Variants in SLC44A2 observed in about 807,000 individuals in gnomAD.
SLC44A2 encodes solute carrier family 44 member 2 (CTL2 blood group).
SLC44A2 carries 57 observed loss-of-function variants against 90.8 expected under a neutral mutation model. The ratio of observed to expected loss-of-function variants is 0.63; its 90% CI spans 0.51 to 0.78. The LOEUF (loss-of-function observed/expected upper bound fraction) is 0.78. SLC44A2 is among the 30% of genes least tolerant of loss of function. The probability of loss-of-function intolerance (pLI) is 0.00; values close to 1 mark genes in which losing one functional copy is unlikely to be tolerated. For missense variants in SLC44A2, 794 were observed against 919.7 expected, an observed-to-expected ratio of 0.86 and a Z score of 1.77; for synonymous variants, 355 against 360.7, an observed-to-expected ratio of 0.98 and a Z score of 0.18.
intron 1 of SLC44A2, among the ~76,000 whole-genome samples, chr19:10,603,028 T>TACCC (rs1355422198): frequency 6.6e-6 from 1 of 152,070 alleles, no homozygotes; most frequent in Non-Finnish European, 1.5e-5. Context: ...GCAGACCGAA[T>TACCC]ACCCAGCTGA....
At position 10,637,711 on chromosome 19, in the gene SLC44A2, G is replaced by T. The variant is rs371805689; in HGVS notation, c.1659G>T (p.Lys553Asn). The change falls in exon 17 of 22, where the codon AAG (lysine) becomes AAT (asparagine). Residue 553 changes from lysine (K) to asparagine (N), a missense_variant. Physicochemically the swap from Lys to Asn is moderately conservative, Grantham distance 94 (BLOSUM62 0). This residue lies in a region of SLC44A2 where 738 missense variants were observed against 841.1 expected (regional missense o/e 0.88). Coordinates refer to ENST00000335757, the MANE Select transcript of SLC44A2 (RefSeq NM_020428.4). ...CLKCCFWCLE[K>N]FIKFLNRNAY... ...AATGCTGCTTCTGGTGCCTGGAGAA[G>T]TTCATCAAATTCCTTAATAGGAATG... 5.6e-6 allele frequency: 9 copies of T among 1,614,140 alleles called. No individual in the cohort carries two copies. The South Asian group carries it at 9.9e-5, about 18-fold the overall frequency.
At chr19:10,631,162 C>G (rs1249620935) in intron 5 of SLC44A2, 21 bp downstream of exon 5, 1 of 1,610,806 alleles carries the variant, frequency 6.2e-7, no homozygotes, top group Non-Finnish European at 8.5e-7. Flanking sequence ...CCCCACCGTT[C>G]CCTTTTTCCT....
chr19:10,626,932 T>C (rs72620550), intron 2 of SLC44A2, among the ~76,000 whole-genome samples: 5,121 of 150,154 alleles, frequency 0.034, 250 homozygotes, highest in East Asian at 0.12. Flanking sequence ...ATTGCTTGAA[T>C]CTGGGAGGTG....
In SLC44A2 at chr19:10,633,876, G is replaced by A. The variant is rs201776329; in HGVS notation, c.824-880G>A. On this transcript the variant is annotated intron_variant, in intron 10 of 21. Transcript: ENST00000335757. ...TTTCTAGCTGGGTGCGGTGGCGCACGCCTGTAATCCCAGCAATTTGGGAGA... is the reference window on the plus strand; with the variant it reads ...TTTCTAGCTGGGTGCGGTGGCGCACACCTGTAATCCCAGCAATTTGGGAGA... Among the ~76,000 whole-genome samples, 7 of 151,840 alleles carry A rather than the reference G, an allele frequency of 4.6e-5. No homozygotes were observed. In the East Asian group the frequency reaches 7.8e-4, roughly 17 times the overall value.
intron 1 of SLC44A2, among the ~76,000 whole-genome samples, chr19:10,613,071 G>A (rs1424072193): frequency 1.3e-5 from 2 of 151,776 alleles, no homozygotes; most frequent in African/African-American, 4.8e-5. Context: ...TTTGGTTTTG[G>A]TTTTTTAGAG....
chr19:10,625,684 C>T lies in SLC44A2; in HGVS notation c.37+14C>T. 8.0e-7 allele frequency: 1 copy of T among 1,249,098 alleles called. No individual in the cohort carries two copies. The highest frequency in any genetic ancestry group is 1.0e-6 in the Non-Finnish European group (1 of 991,004). The allele number at this position is 1,249,098 out of a possible 1,614,324, so 77.4% of individuals were successfully genotyped here. A position where few individuals can be genotyped will look rare whatever the true frequency, so the allele number is the denominator to read the frequency against. ...ACGGGAAACACGGTAGGCAGCGACC[C>T]CCGCCCGTAGCCCCGGGCCGACCCC... On this transcript the variant is annotated intron_variant, in intron 1 of 21. Transcript: ENST00000335757.
At chr19:10,632,209 G>A (rs1196735166) in intron 10 of SLC44A2, 53 bp downstream of exon 10, 3 of 1,505,772 alleles carry the variant, frequency 2.0e-6, no homozygotes, top group South Asian at 1.1e-5. Context: ...ACACTGCCCT[G>A]CCCTTTCCCG....
intron 1 of SLC44A2, among the ~76,000 whole-genome samples, chr19:10,609,457 G>A (rs369229002): frequency 3.8e-4 from 58 of 151,736 alleles, no homozygotes; most frequent in African/African-American, 1.3e-3. Flanking sequence ...ACCTCACCAC[G>A]TCCAGCTACT....
At chr19:10,605,067 G>C (rs939362304) in intron 1 of SLC44A2, among the ~76,000 whole-genome samples, 1 of 152,126 alleles carries the variant, frequency 6.6e-6, no homozygotes, top group African/African-American at 2.4e-5. Flanking sequence ...GGGTCGGGGG[G>C]ACAGTAGTGA....
At chr19:10,608,228 A>G (rs1456306817) in intron 1 of SLC44A2, among the ~76,000 whole-genome samples, 3 of 87,572 alleles carry the variant, frequency 3.4e-5, no homozygotes, top group Non-Finnish European at 9.3e-5. Flanking sequence ...GTCTCAAAGA[A>G]AAAAAAAAAA....
intron 4 of SLC44A2, among the ~76,000 whole-genome samples, chr19:10,630,448 G>A (rs894316029): frequency 6.6e-6 from 1 of 152,092 alleles, no homozygotes; most frequent in African/African-American, 2.4e-5. Context: ...CCTGAGGTCA[G>A]GAGTTCGAGA....
chr19:10,635,681 A>G (rs1423269192), intron 14 of SLC44A2, 166 bp downstream of exon 14: 19 of 596,028 alleles, frequency 3.2e-5, no homozygotes, highest in South Asian at 2.0e-4. Flanking sequence ...CTCTAACTGG[A>G]TCGAACAACT....
chr19:10,612,550 C>A (rs112150878), intron 1 of SLC44A2, among the ~76,000 whole-genome samples: 8 of 152,192 alleles, frequency 5.3e-5, no homozygotes, highest in Admixed American at 2.0e-4. Flanking sequence ...GCTGGCGATG[C>A]TCATTCCCCA....
intron 20 of SLC44A2, among the ~76,000 whole-genome samples, chr19:10,641,751 C>T (rs1415055892): frequency 2.6e-5 from 4 of 151,184 alleles, no homozygotes; most frequent in East Asian, 3.9e-4. Flanking sequence ...GAGGCTGAGG[C>T]GGGAGGATCA....
intron 8 of SLC44A2, 28 bp from the exon 9 acceptor site, chr19:10,631,840 G>T: frequency 6.2e-7 from 1 of 1,614,192 alleles, no homozygotes; most frequent in Non-Finnish European, 8.5e-7. Context: ...AAGAGGGTCT[G>T]ACCCGAGCCT....
chr19:10,631,193 T>C lies in SLC44A2; in HGVS notation c.330+52T>C, dbSNP rs531539275. ...TTCCTCTCCCCGCTTCCCATCCTTT[T>C]CCCCCTGTGAATGTGGGCTGCGACC... On this transcript the variant is annotated intron_variant, in intron 5 of 21. Transcript: ENST00000335757. The C allele has an allele frequency of 3.6e-5, 57 of 1,605,390 alleles. No homozygotes were observed. In the African/African-American group the frequency reaches 6.6e-4, roughly 18 times the overall value.
intron 1 of SLC44A2, among the ~76,000 whole-genome samples, chr19:10,605,634 C>G (rs909612301): frequency 6.6e-6 from 1 of 151,976 alleles, no homozygotes; most frequent in Non-Finnish European, 1.5e-5. Flanking sequence ...TTACAGTGAG[C>G]CAAGGTGGCG....
In SLC44A2 at chr19:10,634,464, C is replaced by CA. The variant is rs57865437; in HGVS notation, c.824-277dup. 6.0e-3 allele frequency among the ~76,000 whole-genome samples: 605 copies of CA among 100,990 alleles called. 3 individuals carry two copies. The highest frequency in any genetic ancestry group is 0.015 in the African/African-American group (426 of 28,698). The allele number at this position is 100,990 out of a possible 152,430, so 66.3% of individuals were successfully genotyped here. A position where few individuals can be genotyped will look rare whatever the true frequency, so the allele number is the denominator to read the frequency against. ...GGGCAACAAGAGTGAAACTCCGTCT[C>CA]AAAAAAAAAAAAAAAGAGAGAGAAC... On this transcript the variant is annotated intron_variant, in intron 10 of 21. Coordinates refer to ENST00000335757, the MANE Select transcript of SLC44A2 (RefSeq NM_020428.4).
intron 1 of SLC44A2, among the ~76,000 whole-genome samples, chr19:10,606,413 C>T (rs1222274917): frequency 2.6e-5 from 4 of 152,014 alleles, no homozygotes; most frequent in Non-Finnish European, 2.9e-5. Flanking sequence ...TGGTGGCTCA[C>T]GCCTGTAATC....
Sources: allele counts gnomAD v4.1 joint callset (sites outside exome capture counted in the v4.1 genomes callset), GRCh38; gene constraint gnomAD v4.1.1; regional missense constraint gnomAD v4.1.1; transcripts MANE v1.5; gene names NCBI Gene and HGNC (gene_info 2026-07-23, HGNC 2026-07-21).